Variants in LINGO2 observed in about 807,000 individuals in gnomAD.
The protein encoded by LINGO2 is leucine-rich repeat and immunoglobulin-like domain-containing nogo receptor-interacting protein 2.
Under a neutral mutation model 30.6 loss-of-function variants are expected in LINGO2, and 14 were observed. The ratio of observed to expected loss-of-function variants is 0.46; its 90% confidence interval spans 0.30 to 0.72. The LOEUF is 0.72. Among genes scored for constraint, LINGO2 ranks in the 30% least tolerant of loss-of-function variants. The pLI, the probability that LINGO2 is intolerant of heterozygous loss-of-function variation, is 0.07. For missense variants in LINGO2, 729 were observed against 751.7 expected (o/e 0.97, Z 0.35); for synonymous variants, 317 against 288.5 (o/e 1.10, Z -1.00).
the LINGO2 span, among the ~76,000 whole-genome samples, chr9:28,915,789 C>G: frequency 2.3e-3 from 343 of 152,200 alleles, 4 homozygotes; most frequent in Middle Eastern, 0.027. Context: ...TATGTATTAT[C>G]CCTGTCCTGA....
the LINGO2 span, among the ~76,000 whole-genome samples, chr9:28,755,255 T>C: frequency 6.6e-6 from 1 of 152,042 alleles, no homozygotes; most frequent in Non-Finnish European, 1.5e-5. Context: ...AAATTATTAA[T>C]TAGGACACAG....
At position 28,007,685 on chromosome 9, in the gene LINGO2, T is replaced by C. The variant is rs1822335272; in HGVS notation, c.-36+4670A>G. Among the ~76,000 whole-genome samples the C allele has an allele frequency of 5.9e-5, 9 of 152,302 alleles. 1 individual carries two copies. In the South Asian group the frequency reaches 1.9e-3, roughly 32 times the overall value. ...GATAATTCCATCAAACTGACTCTCA[T>C]ACCTTGGAGCTGCAGAAACATCAGT... is the stretch of plus-strand genomic sequence containing the variant. On this transcript the variant is annotated intron_variant, in intron 5 of 5. Coordinates refer to ENST00000379992, the Ensembl canonical transcript of LINGO2.
At chr9:28,072,376 T>C (rs1188299280) in intron 4 of LINGO2, among the ~76,000 whole-genome samples, 1 of 152,208 alleles carries the variant, frequency 6.6e-6, no homozygotes. Flanking sequence ...TGCTCTTGTT[T>C]GTCTCAGAAC....
At chr9:29,156,493 A>C in the LINGO2 span, among the ~76,000 whole-genome samples, 1 of 152,126 alleles carries the variant, frequency 6.6e-6, no homozygotes, top group African/African-American at 2.4e-5. Flanking sequence ...CCTATTCCTA[A>C]ACAAGAAACA....
chr9:27,995,738 T>C (rs114295014), intron 5 of LINGO2, among the ~76,000 whole-genome samples: 1,858 of 152,270 alleles, frequency 0.012, 39 homozygotes, highest in African/African-American at 0.042. Context: ...AGACCATGTA[T>C]GGACAAACAC....
the LINGO2 span, among the ~76,000 whole-genome samples, chr9:28,970,151 A>G: frequency 6.6e-6 from 1 of 152,146 alleles, no homozygotes; most frequent in South Asian, 2.1e-4. Context: ...AGCTTAGGGC[A>G]CATCAGTGTT....
At position 28,078,805 on chromosome 9, in the gene LINGO2, G is replaced by A. The variant is rs926560312; in HGVS notation, c.-86-66400C>T. ...AGAGGTGGCAGTGAGCCAAGATCGC[G>A]CCATTGCACTCCAGCCTGGGCAACA... On this transcript the variant is annotated intron_variant, in intron 4 of 5. Transcript: ENST00000379992. 2.0e-5 allele frequency among the ~76,000 whole-genome samples: 3 copies of A among 146,806 alleles called. No individual in the cohort carries two copies. The East Asian group carries it at 5.8e-4, about 29-fold the overall frequency.
intron 4 of LINGO2, among the ~76,000 whole-genome samples, chr9:28,136,411 A>T (rs779456937): frequency 1.3e-5 from 2 of 152,220 alleles, no homozygotes; most frequent in Non-Finnish European, 2.9e-5. Flanking sequence ...GGTAGAACAC[A>T]AATCTGTGTA....
the LINGO2 span, among the ~76,000 whole-genome samples, chr9:28,797,349 TATATATATATAGAGAGAGAG>T: frequency 3.1e-5 from 2 of 64,504 alleles, no homozygotes; most frequent in African/African-American, 5.3e-5. Flanking sequence ...TATATATATA[TATATATATATAGAGAGAGAG>T]AGAGAGAGAG....
the LINGO2 span, among the ~76,000 whole-genome samples, chr9:29,031,740 G>A: frequency 6.6e-6 from 1 of 152,068 alleles, no homozygotes; most frequent in South Asian, 2.1e-4. Context: ...ACTGAATAAA[G>A]CAGTCTAACA....
intron 1 of LINGO2, among the ~76,000 whole-genome samples, chr9:28,554,462 A>T (rs1032337406): frequency 6.9e-6 from 1 of 145,924 alleles, no homozygotes; most frequent in African/African-American, 2.6e-5. Flanking sequence ...TCCTAAATAT[A>T]TATGCACCCA....
rs573930693 is a variant in LINGO2 at position 28,010,020 on chromosome 9, T to C, written c.-36+2335A>G. Among the ~76,000 whole-genome samples the C allele has an allele frequency of 6.6e-5, 10 of 152,344 alleles. No individual in the cohort carries two copies. In the East Asian group the frequency reaches 1.9e-3, roughly 29 times the overall value. ...AAATAAAATGTGTTATCCGTATCTATGCAAAGAAGTATCCTTTGACAATAA... is the reference window on the plus strand; with the variant it reads ...AAATAAAATGTGTTATCCGTATCTACGCAAAGAAGTATCCTTTGACAATAA... On this transcript the variant is annotated intron_variant, in intron 5 of 5. Coordinates refer to ENST00000379992, the Ensembl canonical transcript of LINGO2.
At chr9:28,501,883 G>C (rs552347824) in intron 1 of LINGO2, among the ~76,000 whole-genome samples, 2 of 152,178 alleles carry the variant, frequency 1.3e-5, no homozygotes, top group South Asian at 4.1e-4. Context: ...AATAGCTAAG[G>C]AATGTTCAGC....
chr9:28,304,381 T>C (rs150642791), intron 3 of LINGO2, among the ~76,000 whole-genome samples: 55 of 151,608 alleles, frequency 3.6e-4, no homozygotes, highest in African/African-American at 1.3e-3. Context: ...ATACATGATA[T>C]GTATATATAT....
chr9:28,226,221 G>A (rs11787960), intron 4 of LINGO2, among the ~76,000 whole-genome samples: 39,099 of 151,922 alleles, frequency 0.26, 5,353 homozygotes, highest in Admixed American at 0.31. Context: ...TAAATAGTAC[G>A]AGAGTGGTTG....
At chr9:29,022,590 CA>C in the LINGO2 span, among the ~76,000 whole-genome samples, 2 of 152,118 alleles carry the variant, frequency 1.3e-5, no homozygotes, top group Non-Finnish European at 2.9e-5. Context: ...ATGTAAAAAA[CA>C]AGTAGTTTTT....
At chr9:28,640,920 A>T (rs1400184636) in intron 1 of LINGO2, among the ~76,000 whole-genome samples, 1 of 151,908 alleles carries the variant, frequency 6.6e-6, no homozygotes, top group Non-Finnish European at 1.5e-5. Flanking sequence ...TAGAATTTTC[A>T]GTTTTTCTGC....
chr9:29,189,720 C>T, the LINGO2 span, among the ~76,000 whole-genome samples: 1 of 152,148 alleles, frequency 6.6e-6, no homozygotes, highest in African/African-American at 2.4e-5. Context: ...AGCCTGGGCA[C>T]GGTTGAGCAC....
chr9:28,279,185 T>A (rs1823234633), intron 4 of LINGO2, among the ~76,000 whole-genome samples: 2 of 152,176 alleles, frequency 1.3e-5, no homozygotes, highest in South Asian at 4.1e-4. Flanking sequence ...GAAAATGGTT[T>A]CTTGAGATAA....
Sources: allele counts gnomAD v4.1 joint callset (sites outside exome capture counted in the v4.1 genomes callset), GRCh38; gene constraint gnomAD v4.1.1; transcripts MANE v1.5; gene names NCBI Gene and HGNC (gene_info 2026-07-23, HGNC 2026-07-21).